Variants in CASC3 observed in about 807,000 individuals in gnomAD.
CASC3 encodes the protein CASC3 exon junction complex subunit.
A neutral mutation model predicts 80.5 loss-of-function variants in CASC3; 30 were observed. The observed-to-expected ratio is 0.37, with a 90% CI of 0.28 to 0.51. The LOEUF (loss-of-function observed/expected upper bound fraction) is 0.51. CASC3 is among the 20% of genes least tolerant of loss of function. The pLI, the probability that CASC3 is intolerant of heterozygous loss-of-function variation, is 0.94. For missense variants in CASC3, 824 were observed against 922.2 expected, an observed-to-expected ratio of 0.89 and a Z score of 1.38; for synonymous variants, 312 against 333.6, an observed-to-expected ratio of 0.94 and a Z score of 0.70.
chr17:40,161,864 GAC>G lies in CASC3; in HGVS notation c.412_413del (p.Thr138GlnfsTer26). ...TKEEKGEEKP[D>X]TKSTVTGERQ... ...AGAAGAGAAGGGAGAAGAAAAGCCTGACACCAAAAGCACTGTGACTGGAGAGA... is the reference window on the plus strand; with the variant it reads ...AGAAGAGAAGGGAGAAGAAAAGCCTGACCAAAAGCACTGTGACTGGAGAGA... On this transcript the variant is annotated frameshift_variant, in exon 4 of 14. Transcript: ENST00000264645. LOFTEE classifies it high-confidence loss of function. The G allele has an allele frequency of 6.2e-7, 1 of 1,614,194 alleles. No individual in the cohort carries two copies. The highest frequency in any genetic ancestry group is 8.5e-7 in the Non-Finnish European group (1 of 1,180,034).
chr17:40,150,755 T>TG (rs112581084), intron 3 of CASC3, among the ~76,000 whole-genome samples: 9,789 of 152,050 alleles, frequency 0.064, 679 homozygotes, highest in African/African-American at 0.17. Flanking sequence ...GGCTCATGCC[T>TG]TTATCCCAGC....
chr17:40,169,765 T>TTTTTTTTTTTTTTTTTTTTTG, intron 13 of CASC3, 103 bp downstream of exon 13: 1 of 664,406 alleles, frequency 1.5e-6, no homozygotes, highest in Non-Finnish European at 2.3e-6. Flanking sequence ...TTTTTTTTTT[T>TTTTTTTTTTTTTTTTTTTTTG]TTTTTTTTGA....
At chr17:40,165,087 GT>G (rs879734079) in intron 7 of CASC3, among the ~76,000 whole-genome samples, 30 of 144,896 alleles carry the variant, frequency 2.1e-4, no homozygotes, top group African/African-American at 3.0e-4. Flanking sequence ...CGACTGGCTA[GT>G]TTTTTTTTTT....
In CASC3 at chr17:40,140,769, A is replaced by T. The variant is rs766998291; in HGVS notation, c.221A>T (p.Glu74Val). 9.4e-5 allele frequency: 110 copies of T among 1,169,498 alleles called. No homozygotes were observed. Among genetic ancestry groups the T allele is most frequent in the South Asian group, 2.2e-4 (15 of 67,010 alleles). The allele number at this position is 1,169,498 out of a possible 1,614,324, so 72.4% of individuals were successfully genotyped here. A position where few individuals can be genotyped will look rare whatever the true frequency, so the allele number is the denominator to read the frequency against. ...AGCGGGGGCGCCAAGAGTGCTGAGGAGTCGGAGTGTGTGAGTGCGCGCAGG... is the reference window on the plus strand; with the variant it reads ...AGCGGGGGCGCCAAGAGTGCTGAGGTGTCGGAGTGTGTGAGTGCGCGCAGG... ...VESGGAKSAEESECESEDGIE... is the reference protein window; with the variant it reads ...VESGGAKSAEVSECESEDGIE... The change falls in exon 1 of 14, where the codon GAG becomes GTG. Residue 74 changes from glutamate (E) to valine (V), a missense_variant. Physicochemically the swap from Glu to Val is moderately radical, Grantham distance 121. This residue lies in a region of CASC3 where 159 missense variants were observed against 122.2 expected (regional missense o/e 1.30). Coordinates refer to ENST00000264645, the MANE Select transcript of CASC3 (RefSeq NM_007359.5).
Position 40,166,744 on chromosome 17 carries a change from G to A in CASC3, c.1472-53G>A. 2.4e-6 allele frequency: 3 copies of A among 1,238,690 alleles called. No individual in the cohort carries two copies. The South Asian group carries it at 4.4e-5, about 18-fold the overall frequency. 76.7% of individuals were successfully genotyped at this position (1,238,690 alleles called of 1,614,324 possible). ...ACCTGTCTCTTGATAGTATCTTTGA[G>A]TCCCACTCACGTATGTCTGATCTGC... On this transcript the variant is annotated intron_variant, in intron 7 of 13. Coordinates refer to ENST00000264645, the MANE Select transcript of CASC3 (RefSeq NM_007359.5).
chr17:40,156,334 C>G (rs904164654), intron 3 of CASC3, among the ~76,000 whole-genome samples: 6 of 152,120 alleles, frequency 3.9e-5, no homozygotes, highest in African/African-American at 1.4e-4. Context: ...CAAACAGTCT[C>G]CCTCTATTCT....
At chr17:40,148,385 G>C (rs78752332) in intron 3 of CASC3, among the ~76,000 whole-genome samples, 1 of 150,436 alleles carries the variant, frequency 6.6e-6, no homozygotes, top group South Asian at 2.1e-4. Flanking sequence ...TTTTTTTTAA[G>C]ACAGAGTCTC....
In CASC3 at chr17:40,171,320, C is replaced by T; in HGVS notation, c.*915C>T. 1 of 985,936 alleles carries T rather than the reference C, an allele frequency of 1.0e-6. No homozygotes were observed. Among genetic ancestry groups the T allele is most frequent in the Non-Finnish European group, 1.2e-6 (1 of 829,962 alleles). 61.1% of individuals were successfully genotyped at this position (985,936 alleles called of 1,614,324 possible). ...CTTTAGGGGTGTGTATTCACATAGT[C>T]CTCAGGGCTCAGTCTTTTGAGGTAA... On this transcript the variant is annotated 3_prime_UTR_variant, in exon 14 of 14. Coordinates refer to ENST00000264645, the MANE Select transcript of CASC3 (RefSeq NM_007359.5).
intron 5 of CASC3, 99 bp downstream of exon 5, chr17:40,162,252 G>C (rs1989321472): frequency 8.0e-7 from 1 of 1,254,284 alleles, no homozygotes; most frequent in African/African-American, 1.5e-5. Flanking sequence ...AGCATTTTAA[G>C]ATAAGTATTA....
At position 40,163,436 on chromosome 17, in the gene CASC3, C is replaced by T. The variant is rs1989358256; in HGVS notation, c.786-45C>T. 3.2e-6 allele frequency: 5 copies of T among 1,544,676 alleles called. No individual in the cohort carries two copies. In the South Asian group the frequency reaches 3.7e-5, roughly 11 times the overall value. On this transcript the variant is annotated intron_variant, in intron 6 of 13. Coordinates refer to ENST00000264645, the MANE Select transcript of CASC3 (RefSeq NM_007359.5). ...AGGCCTGAGCCACCGCGCGTAGCCT[C>T]CTTTTGTTAATTTCCTAACAGTTTC...
intron 3 of CASC3, among the ~76,000 whole-genome samples, chr17:40,150,944 T>G (rs1368961269): frequency 6.6e-6 from 1 of 150,628 alleles, no homozygotes; most frequent in Non-Finnish European, 1.5e-5. Flanking sequence ...ACCCGGGAGG[T>G]GGAGCTTGCA....
chr17:40,155,397 CA>C (rs1246317872), intron 3 of CASC3, among the ~76,000 whole-genome samples: 2 of 152,154 alleles, frequency 1.3e-5, no homozygotes, highest in East Asian at 3.8e-4. Context: ...GCTAGGATTA[CA>C]GGCATGAGCC....
At chr17:40,148,659 C>T (rs1304320757) in intron 3 of CASC3, among the ~76,000 whole-genome samples, 1 of 151,986 alleles carries the variant, frequency 6.6e-6, no homozygotes, top group East Asian at 1.9e-4. Context: ...CGTGTGTGGC[C>T]CCCTTGCTAG....
At chr17:40,165,762 TG>T (rs373559351) in intron 7 of CASC3, among the ~76,000 whole-genome samples, 35 of 150,726 alleles carry the variant, frequency 2.3e-4, no homozygotes, top group Non-Finnish European at 4.0e-4. Flanking sequence ...TTTTTTTTTT[TG>T]TTTTTTTTTT....
rs185956911 is a variant in CASC3, at chr17:40,160,192, T to C, written c.298-1561T>C. ...CAAAGTATAGTTATTAGGCACTGCA[T>C]GTTTAAGAGACAATTCATGGGCCAG... On this transcript the variant is annotated intron_variant, in intron 3 of 13. Coordinates refer to ENST00000264645, the MANE Select transcript of CASC3 (RefSeq NM_007359.5). Among the ~76,000 whole-genome samples the C allele has an allele frequency of 3.3e-3, 508 of 152,312 alleles. 4 individuals carry two copies. The highest frequency in any genetic ancestry group is 0.026 in the South Asian group (124 of 4,824).
chr17:40,168,545 A>C, intron 11 of CASC3, 128 bp downstream of exon 11: 1 of 797,372 alleles, frequency 1.3e-6, no homozygotes, highest in Non-Finnish European at 2.0e-6. Flanking sequence ...ATGTGACACC[A>C]AGACGCCTCT....
intron 3 of CASC3, among the ~76,000 whole-genome samples, chr17:40,158,707 T>A (rs1368210738): frequency 6.6e-6 from 1 of 152,186 alleles, no homozygotes; most frequent in Admixed American, 6.5e-5. Flanking sequence ...AAGAAGATAG[T>A]AAAAAGAGAG....
intron 3 of CASC3, among the ~76,000 whole-genome samples, chr17:40,144,738 G>C (rs1267472081): frequency 6.9e-6 from 1 of 144,912 alleles, no homozygotes; most frequent in Non-Finnish European, 1.5e-5. Flanking sequence ...GTGCAGTTGT[G>C]GGGTCACAGC....
At position 40,155,814 on chromosome 17, in the gene CASC3, C is replaced by T. The variant is rs554320564; in HGVS notation, c.298-5939C>T. Among the ~76,000 whole-genome samples, 16 of 152,160 alleles carry T rather than the reference C, an allele frequency of 1.1e-4. 1 individual carries two copies. The South Asian group carries it at 2.1e-3, about 20-fold the overall frequency. The stretch of plus-strand genomic sequence containing the variant: ...GTGGGTGATGTAGGGGAGTTTGTCT[C>T]TTCTGGAAAAAGGTTTTGATGACAT... On this transcript the variant is annotated intron_variant, in intron 3 of 13. Transcript: ENST00000264645.
Sources: gnomAD v4.1 joint callset for allele counts (sites outside exome capture counted in the v4.1 genomes callset) on GRCh38, gnomAD v4.1.1 for gene constraint, gnomAD v4.1.1 regional missense constraint, MANE v1.5 for transcripts, NCBI Gene and HGNC (gene_info 2026-07-23, HGNC 2026-07-21) for gene names.